The following MFAP3L variants were observed in gnomAD, a reference collection of about 807,000 sequenced individuals.
MFAP3L encodes the protein microfibril associated protein 3 like, also known as microfibrillar-associated protein 3-like.
Under a neutral mutation model 20.0 loss-of-function variants are expected in MFAP3L, and 5 were observed. That is an observed-to-expected ratio of 0.25 (90% CI 0.13 to 0.53). The LOEUF (loss-of-function observed/expected upper bound fraction) is 0.53. Ranked by LOEUF, MFAP3L falls within the 20% of genes least tolerant of loss-of-function variation. The pLI, the probability that MFAP3L is intolerant of heterozygous loss-of-function variation, is 0.96. For missense variants in MFAP3L, 409 were observed against 527.5 expected, an observed-to-expected ratio of 0.78 and a Z score of 2.20; for synonymous variants, 219 against 213.0, an observed-to-expected ratio of 1.03 and a Z score of -0.25.
At chr4:170,017,768 T>C (rs1739791605) in intron 1 of MFAP3L, among the ~76,000 whole-genome samples, 1 of 152,216 alleles carries the variant, frequency 6.6e-6, no homozygotes, top group Non-Finnish European at 1.5e-5. Flanking sequence ...CGGCAAATTG[T>C]TGCAATTAAA....
intron 2 of MFAP3L, among the ~76,000 whole-genome samples, chr4:169,996,751 A>G (rs1031374672): frequency 3.3e-5 from 5 of 152,102 alleles, no homozygotes; most frequent in African/African-American, 9.7e-5. Context: ...CAAGAGCTTT[A>G]TATCTATCCT....
At chr4:169,993,920 A>T (rs2110923294) in intron 2 of MFAP3L, 1 of 154,414 alleles carries the variant, frequency 6.5e-6, no homozygotes, top group South Asian at 2.1e-4. Context: ...ATTCTCGCTA[A>T]TTCAGATGGG....
chr4:170,005,373 T>C (rs1261548574), intron 2 of MFAP3L: 2 of 612,258 alleles, frequency 3.3e-6, no homozygotes, highest in African/African-American at 1.8e-5. Context: ...TCTGTGTTTG[T>C]CCTTTGTCTT....
At chr4:170,017,944 G>A (rs1468421718) in intron 1 of MFAP3L, among the ~76,000 whole-genome samples, 1 of 152,126 alleles carries the variant, frequency 6.6e-6, no homozygotes, top group African/African-American at 2.4e-5. Context: ...AACACAATTA[G>A]GAGCCAGTCA....
rs1249334029 is a variant in MFAP3L at position 169,992,077 on chromosome 4, G to A, written c.531C>T (p.Ser177=). 17 of 1,614,132 alleles carry A rather than the reference G, an allele frequency of 1.1e-5. No individual in the cohort carries two copies. Among genetic ancestry groups the A allele is most frequent in the Non-Finnish European group, 1.4e-5 (16 of 1,180,026 alleles). ...LNITRLCMMS[S]HLKKTEKAIN... is the part of the protein sequence containing the mutation. Reference sequence around the variant, plus strand: ...TGGCCTTCTCAGTCTTCTTTAGATGGCTGCTCATCATGCACAGGCGGGTGA... The same window carrying A: ...TGGCCTTCTCAGTCTTCTTTAGATGACTGCTCATCATGCACAGGCGGGTGA... Residue 177 remains serine (S), a synonymous_variant, in exon 3 of 3, where the codon AGC becomes AGT. Transcript: ENST00000361618. This position sits in a 1 kb window ranked among gnomAD's most constrained non-coding sequence, Gnocchi z 4.3.
intron 1 of MFAP3L, 74 bp from the exon 2 acceptor site, chr4:170,006,084 G>T (rs1739013549): frequency 2.6e-6 from 3 of 1,137,806 alleles, no homozygotes; most frequent in African/African-American, 1.6e-5. Context: ...TAAACGGTTA[G>T]CAATGCAGCT....
At chr4:170,009,698 C>T (rs1739257703) in intron 1 of MFAP3L, among the ~76,000 whole-genome samples, 2 of 152,168 alleles carry the variant, frequency 1.3e-5, no homozygotes, top group Non-Finnish European at 2.9e-5. Flanking sequence ...TAGCAAATAT[C>T]AAATGTTCTT....
At chr4:170,017,870 G>C (rs1739796147) in intron 1 of MFAP3L, among the ~76,000 whole-genome samples, 1 of 152,126 alleles carries the variant, frequency 6.6e-6, no homozygotes, top group Non-Finnish European at 1.5e-5. Context: ...CTGTTAGGCT[G>C]AGCACACTTT....
intron 2 of MFAP3L, among the ~76,000 whole-genome samples, chr4:170,000,057 A>T (rs568886061): frequency 6.6e-6 from 1 of 152,338 alleles, no homozygotes; most frequent in South Asian, 2.1e-4. Context: ...TGGAGAAAAC[A>T]GTTCCCAGCT....
intron 1 of MFAP3L, among the ~76,000 whole-genome samples, chr4:170,020,173 A>G (rs1255326727): frequency 2.0e-5 from 3 of 152,172 alleles, no homozygotes; most frequent in African/African-American, 7.2e-5. Context: ...TTTGGTAGGA[A>G]GACCCCTGAG....
intron 1 of MFAP3L, among the ~76,000 whole-genome samples, chr4:170,016,591 C>T (rs994419506): frequency 2.0e-5 from 3 of 152,128 alleles, no homozygotes; most frequent in Non-Finnish European, 4.4e-5. Context: ...GATGGGAGCT[C>T]CTAGAGGGCT....
At chr4:169,998,857 A>G (rs1383114580) in intron 2 of MFAP3L, among the ~76,000 whole-genome samples, 1 of 152,262 alleles carries the variant, frequency 6.6e-6, no homozygotes, top group Admixed American at 6.5e-5. Flanking sequence ...TCAGATAGTG[A>G]GAGTTCCAGT....
rs945506900 is a variant in MFAP3L at position 169,988,556 on chromosome 4, G to A, written c.*2822C>T. On this transcript the variant is annotated 3_prime_UTR_variant, in exon 3 of 3. Transcript: ENST00000361618. ...ACGAGTGTGTATGCACACACGTTCA[G>A]TCACACTCGCATGAATTTCTATGAA... 1.3e-5 allele frequency: 2 copies of A among 152,314 alleles called. No homozygotes were observed. Among genetic ancestry groups the A allele is most frequent in the Middle Eastern group, 3.4e-3 (1 of 294 alleles). The allele number at this position is 152,314 out of a possible 1,614,324, so 9.4% of individuals were successfully genotyped here.
intron 2 of MFAP3L, among the ~76,000 whole-genome samples, chr4:169,999,635 G>C (rs1279759013): frequency 1.3e-5 from 2 of 152,144 alleles, no homozygotes; most frequent in Admixed American, 1.3e-4. Context: ...ATCTGAAATG[G>C]ATCTGGAAGG....
chr4:170,021,434 T>C (rs923015749), intron 1 of MFAP3L, among the ~76,000 whole-genome samples: 1 of 152,210 alleles, frequency 6.6e-6, no homozygotes, highest in African/African-American at 2.4e-5. Flanking sequence ...CATCATTCTA[T>C]GAGAACATTT....
intron 1 of MFAP3L, chr4:170,006,936 C>G (rs2111008867): frequency 6.6e-6 from 1 of 152,378 alleles, no homozygotes; most frequent in East Asian, 1.9e-4. Context: ...TCAATCTCAT[C>G]TGCCTCCCAC....
chr4:169,991,140 AC>A lies in MFAP3L; in HGVS notation c.*237del, dbSNP rs1737631002. The A allele has an allele frequency of 1.8e-6, 1 of 547,086 alleles. No homozygotes were observed. Among genetic ancestry groups the A allele is most frequent in the Non-Finnish European group, 3.2e-6 (1 of 310,984 alleles). 33.9% of individuals were successfully genotyped at this position (547,086 alleles called of 1,614,324 possible). Reference sequence around the variant, plus strand: ...AGATCAGCCTCTGAAACTCATTATCACATAGACACCTTCTGTCTGGTATCAA... The same window carrying A: ...AGATCAGCCTCTGAAACTCATTATCAATAGACACCTTCTGTCTGGTATCAA... On this transcript the variant is annotated 3_prime_UTR_variant, in exon 3 of 3. Coordinates refer to ENST00000361618, the MANE Select transcript of MFAP3L (RefSeq NM_021647.8). This position sits in a 1 kb window ranked among gnomAD's most constrained non-coding sequence, Gnocchi z 4.9.
intron 2 of MFAP3L, chr4:169,994,407 T>C: frequency 1.0e-6 from 1 of 985,034 alleles, no homozygotes; most frequent in Non-Finnish European, 1.2e-6. Flanking sequence ...CTGATGGTAA[T>C]ACCAACAGCT....
chr4:169,991,564 C>T lies in MFAP3L; in HGVS notation c.1044G>A (p.Leu348=), dbSNP rs145268478. 1 of 1,614,176 alleles carries T rather than the reference C, an allele frequency of 6.2e-7. No individual in the cohort carries two copies. Among genetic ancestry groups the T allele is most frequent in the Non-Finnish European group, 8.5e-7 (1 of 1,180,032 alleles). Residue 348 remains leucine, a synonymous_variant, in exon 3 of 3, where the codon CTG becomes CTA. Transcript: ENST00000361618. The surrounding 1 kb of genome is among the most constrained non-coding windows in gnomAD (Gnocchi z 4.9). ...FEVKDVEETE[L]SAEHSPETAE... is the part of the protein sequence containing the mutation. ...CAGTTTCGGGGGAATGTTCCGCCGA[C>T]AGTTCTGTCTCCTCTACATCTTTGA...
Sources: gnomAD v4.1 joint callset for allele counts (sites outside exome capture counted in the v4.1 genomes callset) on GRCh38, gnomAD v4.1.1 for gene constraint, Gnocchi (gnomAD v3.1) non-coding constraint, MANE v1.5 for transcripts, NCBI Gene and HGNC (gene_info 2026-07-23, HGNC 2026-07-21) for gene names.